PPL: variants seen among roughly 807,000 people sequenced by gnomAD.
PPL encodes the protein 190 kDa paraneoplastic pemphigus antigen.
A neutral mutation model predicts 194.4 loss-of-function variants in PPL; 198 were observed. That is an observed-to-expected ratio of 1.02 (90% confidence interval 0.91 to 1.15). PPL has a LOEUF of 1.15. Ranked by LOEUF, PPL falls within the 50% of genes most tolerant of loss-of-function variation. The pLI is 0.00. For missense variants in PPL, 2,885 were observed against 2,294.8 expected, an observed-to-expected ratio of 1.26 and a Z score of -5.25; for synonymous variants, 1,220 against 972.4, an observed-to-expected ratio of 1.25 and a Z score of -4.74.
chr16:4,893,479 C>A (rs2088359417), intron 13 of PPL, 62 bp downstream of exon 13: 1 of 1,599,040 alleles, frequency 6.3e-7, no homozygotes, highest in Non-Finnish European at 8.5e-7. Flanking sequence ...CAGCACAGAC[C>A]CTGGTCCAGC....
At chr16:4,887,267 T>A in intron 20 of PPL, 40 bp from the exon 21 acceptor site, 1 of 1,457,880 alleles carries the variant, frequency 6.9e-7, no homozygotes, top group South Asian at 1.1e-5. Context: ...AACAAACAGG[T>A]GTCAACAGGG....
Position 4,890,819 on chromosome 16 carries a change from G to C in PPL, c.2071C>G (p.Gln691Glu). 1 of 1,589,476 alleles carries C rather than the reference G, an allele frequency of 6.3e-7. No individual in the cohort carries two copies. The highest frequency in any genetic ancestry group is 1.1e-5 in the South Asian group (1 of 88,002). The change falls in exon 17 of 22, where the codon CAG becomes GAG. Residue 691 changes from glutamine (Q) to glutamate (E), a missense_variant. By Grantham distance (29) the Gln-to-Glu change is conservative (BLOSUM62 2). Coordinates refer to ENST00000345988, the MANE Select transcript of PPL (RefSeq NM_002705.5). Reference sequence around the variant, plus strand: ...CGCTCCAGGTCCGGACAGTGCTCCTGGAAGCGGCTGGCCAGTGTGCTCGAG... The same window carrying C: ...CGCTCCAGGTCCGGACAGTGCTCCTCGAAGCGGCTGGCCAGTGTGCTCGAG... Reference protein sequence around the residue: ...QCSSTLASRFQEHCPDLERQE... With the variant: ...QCSSTLASRFEEHCPDLERQE...
intron 1 of PPL, 142 bp from the exon 2 acceptor site, chr16:4,911,091 G>C: frequency 1.6e-6 from 1 of 614,978 alleles, no homozygotes; most frequent in Non-Finnish European, 2.9e-6. Flanking sequence ...TAGTTGGGCT[G>C]TTCCCATAGG....
Position 4,888,965 on chromosome 16 carries a change from T to G in PPL, c.2397+13A>C. On this transcript the variant is annotated intron_variant, in intron 19 of 21. Coordinates refer to ENST00000345988, the MANE Select transcript of PPL (RefSeq NM_002705.5). ...CTGCTGTTTGTGCTTTGGGCGGAAG[T>G]TTCCCGGCTCACCTTTACAGCTTGC... The G allele has an allele frequency of 6.2e-7, 1 of 1,612,372 alleles. No homozygotes were observed. Among genetic ancestry groups the G allele is most frequent in the Non-Finnish European group, 8.5e-7 (1 of 1,179,450 alleles).
intron 11 of PPL, 27 bp from the exon 12 acceptor site, chr16:4,894,645 G>C (rs1412652220): frequency 6.2e-7 from 1 of 1,606,948 alleles, no homozygotes; most frequent in Admixed American, 1.7e-5. Flanking sequence ...GGACAGTCAG[G>C]ATCCCGGCAG....
At chr16:4,896,116 C>T (rs868107348) in intron 9 of PPL, among the ~76,000 whole-genome samples, 16 of 152,114 alleles carry the variant, frequency 1.1e-4, no homozygotes, top group African/African-American at 3.9e-4. Flanking sequence ...TTCTCTTGCC[C>T]ATTCTTCAGT....
intron 1 of PPL, among the ~76,000 whole-genome samples, chr16:4,911,397 A>C (rs2088817727): frequency 6.6e-6 from 1 of 151,972 alleles, no homozygotes; most frequent in South Asian, 2.1e-4. Context: ...CCTGACCTCA[A>C]GTGATCCACC....
At chr16:4,932,378 C>G (rs1360909949) in intron 1 of PPL, among the ~76,000 whole-genome samples, 1 of 151,908 alleles carries the variant, frequency 6.6e-6, no homozygotes, top group Non-Finnish European at 1.5e-5. Context: ...AGTCAGCTCC[C>G]TGGTCAGCTC....
chr16:4,913,180 C>G (rs999621584), intron 1 of PPL, among the ~76,000 whole-genome samples: 8 of 152,090 alleles, frequency 5.3e-5, no homozygotes, highest in African/African-American at 1.9e-4. Context: ...TGTGTCCCCT[C>G]CTGTCACATT....
chr16:4,929,788 G>A (rs1035369579), intron 1 of PPL, among the ~76,000 whole-genome samples: 8 of 151,972 alleles, frequency 5.3e-5, no homozygotes, highest in African/African-American at 1.9e-4. Flanking sequence ...CTGGACTCAG[G>A]GATCCTCCCC....
Position 4,919,714 on chromosome 16 carries a change from G to C in PPL, c.63-8765C>G, listed in dbSNP as rs533017855. Among the ~76,000 whole-genome samples, 6 of 152,218 alleles carry C rather than the reference G, an allele frequency of 3.9e-5. No individual in the cohort carries two copies. In the East Asian group the frequency reaches 9.7e-4, roughly 25 times the overall value. ...GGAGGCTGAGGCAGGAGCATCTCTT[G>C]AGCCTAGGAGTTCGAGACCAAATTG... On this transcript the variant is annotated intron_variant, in intron 1 of 21. Transcript: ENST00000345988.
chr16:4,882,743 C>G lies in PPL; in HGVS notation c.*641G>C, dbSNP rs1482340392. The G allele has an allele frequency of 2.0e-5, 3 of 152,664 alleles. No individual in the cohort carries two copies. Among genetic ancestry groups the G allele is most frequent in the African/African-American group, 4.8e-5 (2 of 41,466 alleles). 9.5% of individuals were successfully genotyped at this position (152,664 alleles called of 1,614,324 possible). On this transcript the variant is annotated 3_prime_UTR_variant, in exon 22 of 22. Transcript: ENST00000345988. The stretch of plus-strand genomic sequence containing the variant: ...CTATCAAAGGATTTAAATGCCAGAA[C>G]TGTGAAACATTCTCTGTAGGTGCCG...
At chr16:4,910,510 C>T (rs1177620161) in intron 2 of PPL, among the ~76,000 whole-genome samples, 1 of 152,070 alleles carries the variant, frequency 6.6e-6, no homozygotes, top group Non-Finnish European at 1.5e-5. Flanking sequence ...AGGCAGGAGA[C>T]GCTTTCCACA....
chr16:4,886,356 A>G (rs1307669010), intron 21 of PPL, among the ~76,000 whole-genome samples: 1 of 152,200 alleles, frequency 6.6e-6, no homozygotes, highest in Non-Finnish European at 1.5e-5. Flanking sequence ...TCACACAAGA[A>G]TATCTGTCTG....
chr16:4,912,629 T>C (rs1336746580), intron 1 of PPL, among the ~76,000 whole-genome samples: 1 of 152,278 alleles, frequency 6.6e-6, no homozygotes, highest in African/African-American at 2.4e-5. Flanking sequence ...TCTCTCCCCA[T>C]TTTAATCAGA....
Position 4,887,123 on chromosome 16 carries a change from A to C in PPL, c.2607+12T>G, listed in dbSNP as rs756769651. 1.3e-6 allele frequency: 2 copies of C among 1,595,908 alleles called. No homozygotes were observed. Among genetic ancestry groups the C allele is most frequent in the South Asian group, 2.2e-5 (2 of 90,734 alleles). On this transcript the variant is annotated intron_variant, in intron 21 of 21. Transcript: ENST00000345988. ...ACAGCCTGAAGTAGAATTTCTTACT[A>C]AGATCAGTTACCTGTCTGAGGAGAT...
At chr16:4,931,979 T>G (rs1482793934) in intron 1 of PPL, among the ~76,000 whole-genome samples, 2 of 151,752 alleles carry the variant, frequency 1.3e-5, no homozygotes, top group Non-Finnish European at 2.9e-5. Context: ...GTAGAGGGGG[T>G]TGCTGGGGGT....
In PPL at chr16:4,899,438, C is replaced by G; in HGVS notation, c.607-54G>C. 9 of 1,549,446 alleles carry G rather than the reference C, an allele frequency of 5.8e-6. No individual in the cohort carries two copies. The South Asian group carries it at 1.1e-4, about 19-fold the overall frequency. On this transcript the variant is annotated intron_variant, in intron 6 of 21. Coordinates refer to ENST00000345988, the MANE Select transcript of PPL (RefSeq NM_002705.5). ...GCGTCCTCAGCCCGCTGCCACTGCT[C>G]GCTTCCTTCCCTACCTCCTGCAGGG...
intron 1 of PPL, among the ~76,000 whole-genome samples, chr16:4,919,138 T>G (rs969277642): frequency 2.0e-5 from 3 of 152,302 alleles, no homozygotes; most frequent in East Asian, 1.9e-4. Flanking sequence ...CCCTCCCTTT[T>G]CTTACTCAGA....
Sources: allele counts gnomAD v4.1 joint callset (sites outside exome capture counted in the v4.1 genomes callset), GRCh38; gene constraint gnomAD v4.1.1; transcripts MANE v1.5; gene names NCBI Gene and HGNC (gene_info 2026-07-23, HGNC 2026-07-21).